OTOA: variants seen among roughly 807,000 people sequenced by gnomAD.
OTOA encodes cancer/testis antigen 108.
A neutral mutation model predicts 110.8 loss-of-function variants in OTOA; 70 were observed. That is an observed-to-expected ratio of 0.63 (90% CI 0.52 to 0.77). The LOEUF (loss-of-function observed/expected upper bound fraction) is 0.77, where lower values mean the gene tolerates loss of function less well. Among genes scored for constraint, OTOA ranks in the 30% least tolerant of loss-of-function variants. The probability of loss-of-function intolerance (pLI) is 0.00; values close to 1 mark genes in which losing one functional copy is unlikely to be tolerated. For synonymous variants in OTOA, 373 were observed against 431.5 expected (o/e 0.86, Z 1.68); for missense variants, 917 against 1,075.8 (o/e 0.85, Z 2.06).
At chr16:21,714,409 C>CTCTT (rs1010741560) in intron 13 of OTOA, among the ~76,000 whole-genome samples, 1 of 140,578 alleles carries the variant, frequency 7.1e-6, no homozygotes, top group African/African-American at 2.6e-5. Context: ...CTCTTTCTTT[C>CTCTT]TCTTTCTTTC....
At position 21,709,906 on chromosome 16, in the gene OTOA, G is replaced by C. The variant is rs1898302127; in HGVS notation, c.1123G>C (p.Asp375His). 4.3e-6 allele frequency: 7 copies of C among 1,613,820 alleles called. No individual in the cohort carries two copies. The highest frequency in any genetic ancestry group is 5.9e-6 in the Non-Finnish European group (7 of 1,179,800). ...CTTCCAGCTCAAAGCAGAACTCCTG[G>C]ACATTGCCATGGAGAACCAGACCCT... ...GVQKLKAELL[D>H]IAMENQTLNE... is the part of the protein sequence containing the mutation. The change falls in exon 13 of 29, where the codon GAC becomes CAC. Residue 375 changes from aspartate (D) to histidine (H), a missense_variant. Physicochemically the swap from Asp to His is moderately conservative, Grantham distance 81. Coordinates refer to ENST00000646100, the MANE Select transcript of OTOA (RefSeq NM_144672.4).
intron 22 of OTOA, among the ~76,000 whole-genome samples, chr16:21,736,657 C>G (rs544326295): frequency 1.4e-4 from 22 of 152,180 alleles, no homozygotes; most frequent in Admixed American, 3.9e-4. Context: ...ATGGCGAAAC[C>G]CTGTCTCTAC....
intron 22 of OTOA, among the ~76,000 whole-genome samples, chr16:21,737,176 C>T (rs1466530152): frequency 6.6e-6 from 1 of 152,286 alleles, no homozygotes; most frequent in Non-Finnish European, 1.5e-5. Context: ...ACCGGAATGC[C>T]TGGCATGTAG....
intron 18 of OTOA, among the ~76,000 whole-genome samples, chr16:21,723,548 A>G (rs1378136300): frequency 6.6e-6 from 1 of 152,200 alleles, no homozygotes; most frequent in East Asian, 1.9e-4. Context: ...ATAAGACCTT[A>G]TAATCTCATG....
intron 1 of OTOA, among the ~76,000 whole-genome samples, 174 bp downstream of exon 1, chr16:21,664,406 C>T (rs1435931373): frequency 6.6e-6 from 1 of 151,714 alleles, no homozygotes; most frequent in Non-Finnish European, 1.5e-5. Flanking sequence ...TTTAAGGGCT[C>T]CTGGGATTGG....
intron 17 of OTOA, chr16:21,721,367 AC>A (rs749972137): frequency 2.6e-5 from 12 of 455,080 alleles, no homozygotes; most frequent in South Asian, 1.5e-4. Flanking sequence ...CTCTTAGGGG[AC>A]TTTTGGCCAT....
intron 10 of OTOA, among the ~76,000 whole-genome samples, chr16:21,698,616 C>A (rs1897990480): frequency 6.6e-6 from 1 of 152,110 alleles, no homozygotes. Context: ...CATCAAATGA[C>A]TGGCCTGTTC....
At chr16:21,679,357 C>T (rs781595937) in intron 5 of OTOA, 146 bp downstream of exon 5, 14 of 959,464 alleles carry the variant, frequency 1.5e-5, no homozygotes, top group Admixed American at 2.2e-5. Context: ...CAACAAACAC[C>T]CTTGCTCCAC....
At chr16:21,675,698 C>T (rs1966856437) in intron 1 of OTOA, among the ~76,000 whole-genome samples, 2 of 152,008 alleles carry the variant, frequency 1.3e-5, no homozygotes, top group Non-Finnish European at 2.9e-5. Flanking sequence ...GTATTTTTAT[C>T]TCTAGAAGTT....
intron 9 of OTOA, among the ~76,000 whole-genome samples, chr16:21,696,047 A>G (rs1897934030): frequency 6.6e-6 from 1 of 151,166 alleles, no homozygotes; most frequent in South Asian, 2.1e-4. Context: ...GGCGTGCGCT[A>G]CCACGCCTGG....
intron 15 of OTOA, 139 bp downstream of exon 15, chr16:21,717,186 A>G: frequency 7.8e-7 from 1 of 1,289,660 alleles, no homozygotes; most frequent in Non-Finnish European, 1.1e-6. Context: ...GTATAGTGTT[A>G]AGAATTTGGA....
intron 9 of OTOA, 52 bp from the exon 10 acceptor site, chr16:21,697,723 A>G: frequency 6.7e-7 from 1 of 1,502,406 alleles, no homozygotes; most frequent in South Asian, 1.1e-5. Flanking sequence ...TACCAGTGTA[A>G]AGGCTTTTAT....
intron 8 of OTOA, among the ~76,000 whole-genome samples, chr16:21,690,960 AC>A (rs1219703770): frequency 1.2e-5 from 1 of 81,566 alleles, no homozygotes; most frequent in African/African-American, 4.7e-5. Flanking sequence ...TGCTATCCCC[AC>A]CCCCTCCCCC....
intron 1 of OTOA, among the ~76,000 whole-genome samples, chr16:21,675,640 T>A (rs1181735803): frequency 6.6e-6 from 1 of 152,154 alleles, no homozygotes; most frequent in African/African-American, 2.4e-5. Context: ...TTCTGCAGTG[T>A]CTAATATGCT....
intron 1 of OTOA, among the ~76,000 whole-genome samples, chr16:21,673,669 C>A (rs981047709): frequency 1.3e-5 from 2 of 152,158 alleles, no homozygotes; most frequent in Non-Finnish European, 2.9e-5. Flanking sequence ...TATTCAATGG[C>A]GTGGACATAC....
At position 21,710,073 on chromosome 16, in the gene OTOA, C is replaced by G; in HGVS notation, c.1290C>G (p.Ile430Met). 2 of 1,613,818 alleles carry G rather than the reference C, an allele frequency of 1.2e-6. No homozygotes were observed. Among genetic ancestry groups the G allele is most frequent in the Non-Finnish European group, 8.5e-7 (1 of 1,179,888 alleles). ...VSGWAKSQVI[I>M]LSAKYLAHEK... ...GTTGGGCCAAGAGCCAGGTCATCAT[C>G]TTGTCTGCCAAATACTTGGCCCATG... The change falls in exon 13 of 29, where the codon ATC (isoleucine) becomes ATG (methionine). Residue 430 changes from isoleucine to methionine, a missense_variant. Coordinates refer to ENST00000646100, the MANE Select transcript of OTOA (RefSeq NM_144672.4).
chr16:21,695,346 A>G (rs781666119), intron 9 of OTOA, among the ~76,000 whole-genome samples: 1 of 151,386 alleles, frequency 6.6e-6, no homozygotes, highest in Admixed American at 6.6e-5. Flanking sequence ...TGATCATCCA[A>G]CTGCACTCCA....
intron 7 of OTOA, among the ~76,000 whole-genome samples, chr16:21,687,099 A>G (rs936000177): frequency 1.3e-5 from 2 of 152,190 alleles, no homozygotes; most frequent in East Asian, 1.9e-4. Context: ...AGGTGATGGC[A>G]ATGGAGCCCA....
intron 15 of OTOA, among the ~76,000 whole-genome samples, chr16:21,718,871 G>A (rs992343721): frequency 1.3e-5 from 2 of 152,152 alleles, no homozygotes; most frequent in Non-Finnish European, 2.9e-5. Context: ...TGCCACCAAT[G>A]TCTTTGCCTC....
Sources: gnomAD v4.1 joint callset for allele counts (sites outside exome capture counted in the v4.1 genomes callset) on GRCh38, gnomAD v4.1.1 for gene constraint, MANE v1.5 for transcripts, NCBI Gene and HGNC (gene_info 2026-07-23, HGNC 2026-07-21) for gene names.